Variants in DST observed in about 807,000 individuals in gnomAD.
The protein encoded by DST is bullous pemphigoid antigen.
Under a neutral mutation model 875.2 loss-of-function variants are expected in DST, and 253 were observed. The observed-to-expected ratio is 0.29, with a 90% confidence interval of 0.26 to 0.32. The LOEUF is 0.32. DST is among the 10% of genes least tolerant of loss of function. DST has a pLI of 1.00. For synonymous variants in DST, 3,124 were observed against 3,197.1 expected, an observed-to-expected ratio of 0.98 and a Z score of 0.77; for missense variants, 8,287 against 9,111.6, an observed-to-expected ratio of 0.91 and a Z score of 3.68.
chr6:56,664,451 A>G (rs1368777759), intron 10 of DST, among the ~76,000 whole-genome samples: 1 of 152,114 alleles, frequency 6.6e-6, no homozygotes, highest in Admixed American at 6.5e-5. Flanking sequence ...TGTAACACCT[A>G]CCTCTGAGGA....
At chr6:56,943,420 TTTTC>T (rs1817721651) in intron 2 of DST, among the ~76,000 whole-genome samples, 1 of 151,622 alleles carries the variant, frequency 6.6e-6, no homozygotes, top group South Asian at 2.1e-4. Context: ...CTCATTTTCT[TTTTC>T]TTTTTCTTTT....
At chr6:56,766,397 T>C (rs2152971006) in intron 4 of DST, among the ~76,000 whole-genome samples, 1 of 152,250 alleles carries the variant, frequency 6.6e-6, no homozygotes, top group South Asian at 2.1e-4. Flanking sequence ...GATACAAAGA[T>C]GGGTAAAAGA....
At chr6:56,540,347 G>A (rs1036125593) in intron 61 of DST, 8 of 152,602 alleles carry the variant, frequency 5.2e-5, no homozygotes, top group Non-Finnish European at 1.2e-4. Flanking sequence ...TTTTCTGGGT[G>A]CTGCTTTCTT....
At chr6:56,589,916 T>C (rs1298146324) in intron 49 of DST, among the ~76,000 whole-genome samples, 1 of 152,228 alleles carries the variant, frequency 6.6e-6, no homozygotes, top group South Asian at 2.1e-4. Flanking sequence ...AAGTAGAAGA[T>C]AGTATGCTAC....
intron 3 of DST, chr6:56,852,087 G>T (rs963776049): frequency 1.2e-5 from 17 of 1,367,608 alleles, no homozygotes; most frequent in Admixed American, 3.2e-5. Context: ...ACTCCTTTCC[G>T]CTTCAAGTCA....
intron 4 of DST, among the ~76,000 whole-genome samples, chr6:56,761,287 GGCCCACAGAGTTATTAAAC>G (rs1352816062): frequency 2.6e-5 from 4 of 152,128 alleles, no homozygotes; most frequent in Non-Finnish European, 4.4e-5. Context: ...CCAAATTCGT[GGCCCACAGAGTTATTAAAC>G]GCTTACTGAT....
intron 28 of DST, among the ~76,000 whole-genome samples, chr6:56,632,444 CTAAT>C (rs914922351): frequency 2.3e-4 from 35 of 152,108 alleles, no homozygotes; most frequent in East Asian, 1.9e-4. Flanking sequence ...AAAATTGTCT[CTAAT>C]TAAAATTTTT....
intron 4 of DST, among the ~76,000 whole-genome samples, chr6:56,761,568 T>C (rs2099617229): frequency 6.6e-6 from 1 of 152,174 alleles, no homozygotes; most frequent in Non-Finnish European, 1.5e-5. Context: ...TTAAACAGCA[T>C]AGTAGAGTGG....
At chr6:56,616,901 T>C (rs764432871) in intron 36 of DST, 5 of 1,612,822 alleles carry the variant, frequency 3.1e-6, no homozygotes, top group Non-Finnish European at 4.2e-6. Context: ...TTCAACAGAA[T>C]ATGTCTGACC....
intron 2 of DST, 22 bp from the exon 3 acceptor site, chr6:56,900,643 A>C: frequency 1.5e-6 from 2 of 1,363,636 alleles, no homozygotes; most frequent in Non-Finnish European, 2.0e-6. Flanking sequence ...AACACAACCA[A>C]GCAAATCCAG....
intron 2 of DST, among the ~76,000 whole-genome samples, chr6:56,905,653 CT>C (rs77792525): frequency 0.013 from 1,808 of 142,902 alleles, 26 homozygotes; most frequent in African/African-American, 0.038. Context: ...TTTTTCTCTA[CT>C]TTTTTTTTTT....
At chr6:56,854,729 G>C (rs2127582787) in intron 3 of DST, among the ~76,000 whole-genome samples, 1 of 152,066 alleles carries the variant, frequency 6.6e-6, no homozygotes, top group South Asian at 2.1e-4. Flanking sequence ...TTATGTCAAG[G>C]GTCAGAGAAA....
At chr6:56,679,881 C>T (rs1283649070) in intron 9 of DST, among the ~76,000 whole-genome samples, 2 of 152,140 alleles carry the variant, frequency 1.3e-5, no homozygotes, top group Non-Finnish European at 2.9e-5. Context: ...GAGAAAATAG[C>T]TACATAAGTA....
chr6:56,757,553 T>G (rs1042940253), intron 4 of DST, among the ~76,000 whole-genome samples: 1 of 152,176 alleles, frequency 6.6e-6, no homozygotes. Flanking sequence ...GGACACATGG[T>G]AGCCTGGAAT....
intron 4 of DST, among the ~76,000 whole-genome samples, chr6:56,809,804 T>C (rs1302589942): frequency 6.6e-6 from 1 of 152,202 alleles, no homozygotes; most frequent in Non-Finnish European, 1.5e-5. Flanking sequence ...ATCACAAGGG[T>C]ATAACTTTTA....
intron 83 of DST, among the ~76,000 whole-genome samples, chr6:56,493,697 T>G (rs1409531958): frequency 6.6e-6 from 1 of 152,154 alleles, no homozygotes; most frequent in Non-Finnish European, 1.5e-5. Context: ...TTTGTTTAAT[T>G]AGATTAAAAT....
intron 85 of DST, among the ~76,000 whole-genome samples, chr6:56,492,023 G>A (rs1279040545): frequency 1.3e-5 from 2 of 152,198 alleles, no homozygotes; most frequent in Non-Finnish European, 2.9e-5. Flanking sequence ...TTAGTCCCCA[G>A]GGGCTGAAAT....
intron 5 of DST, among the ~76,000 whole-genome samples, chr6:56,710,026 T>G (rs1341183838): frequency 1.3e-5 from 2 of 152,184 alleles, no homozygotes; most frequent in Admixed American, 6.5e-5. Context: ...GTTAAGAAGC[T>G]TGAACTTTTC....
chr6:56,483,073 T>C (rs2095449975), intron 88 of DST, among the ~76,000 whole-genome samples, 196 bp from the exon 89 acceptor site: 1 of 152,158 alleles, frequency 6.6e-6, no homozygotes, highest in Admixed American at 6.5e-5. Context: ...AAGAAGAGTC[T>C]TGTATAAATT....
Sources: allele counts gnomAD v4.1 joint callset (sites outside exome capture counted in the v4.1 genomes callset), GRCh38; gene constraint gnomAD v4.1.1; transcripts MANE v1.5; gene names NCBI Gene and HGNC (gene_info 2026-07-23, HGNC 2026-07-21).